Variants in OPRM1 observed in about 807,000 individuals in gnomAD.
OPRM1 encodes mu-type opioid receptor.
In OPRM1, 27 loss-of-function variants were observed where a neutral mutation model predicts 31.8. That is an observed-to-expected ratio of 0.85 (90% CI 0.63 to 1.17). The LOEUF (loss-of-function observed/expected upper bound fraction) is 1.17. Among genes scored for constraint, OPRM1 ranks in the 50% most tolerant of loss-of-function variants. The pLI, the probability that OPRM1 is intolerant of heterozygous loss-of-function variation, is 0.00. For synonymous variants in OPRM1, 196 were observed against 189.9 expected (o/e 1.03, Z -0.26); for missense variants, 536 against 511.1 (o/e 1.05, Z -0.47).
chr6:154,180,403 TA>T (rs1562526629), intron 3 of OPRM1, among the ~76,000 whole-genome samples: 860 of 42,828 alleles, frequency 0.02, 23 homozygotes, highest in African/African-American at 0.056. Flanking sequence ...TATATATATA[TA>T]TATATATATA....
intron 3 of OPRM1, chr6:154,160,011 G>T: frequency 6.2e-7 from 1 of 1,612,182 alleles, no homozygotes; most frequent in Non-Finnish European, 8.5e-7. Flanking sequence ...CCAGCAACTG[G>T]TTAATCATGG....
intron 1 of OPRM1, among the ~76,000 whole-genome samples, chr6:154,061,628 A>G (rs1784442678): frequency 6.6e-6 from 1 of 152,088 alleles, no homozygotes; most frequent in Non-Finnish European, 1.5e-5. Flanking sequence ...TTGAGTACAC[A>G]TGGACAAAGA....
intron 3 of OPRM1, among the ~76,000 whole-genome samples, chr6:154,201,166 C>T (rs1234799573): frequency 1.3e-5 from 2 of 152,274 alleles, no homozygotes; most frequent in East Asian, 3.9e-4. Context: ...AACTGTGAGT[C>T]AATTAAAATC....
intron 3 of OPRM1, chr6:154,212,855 T>C (rs376503820): frequency 6.2e-7 from 1 of 1,605,832 alleles, no homozygotes; most frequent in Non-Finnish European, 8.5e-7. Flanking sequence ...ACTGTAACAT[T>C]CTATAACAAA....
Position 154,119,288 on chromosome 6 carries a change from A to G in OPRM1, c.*567A>G. The stretch of plus-strand genomic sequence containing the variant: ...TTGGTTTTGTATTGTTTAAAAAAAT[A>G]ACATCTCTTTCATCTAGCTCCATAA... On this transcript the variant is annotated 3_prime_UTR_variant, in exon 4 of 4. Transcript: ENST00000330432. 1.0e-6 allele frequency: 1 copy of G among 985,544 alleles called. No individual in the cohort carries two copies. Among genetic ancestry groups the G allele is most frequent in the Non-Finnish European group, 1.2e-6 (1 of 829,910 alleles). 61.0% of individuals were successfully genotyped at this position (985,544 alleles called of 1,614,324 possible). A position where few individuals can be genotyped will look rare whatever the true frequency, so the allele number is the denominator to read the frequency against.
intron 1 of OPRM1, among the ~76,000 whole-genome samples, chr6:154,047,674 G>A (rs1382435159): frequency 6.6e-6 from 1 of 152,130 alleles, no homozygotes; most frequent in East Asian, 1.9e-4. Flanking sequence ...ATTCTGTTCT[G>A]GATATGTGTC....
chr6:154,209,413 G>A (rs529864503), intron 3 of OPRM1, among the ~76,000 whole-genome samples: 1 of 152,228 alleles, frequency 6.6e-6, no homozygotes, highest in South Asian at 2.1e-4. Flanking sequence ...CACTTTGGGA[G>A]GCCAAGGTGA....
At chr6:154,137,746 T>C (rs1798094382) in intron 3 of OPRM1, among the ~76,000 whole-genome samples, 1 of 152,196 alleles carries the variant, frequency 6.6e-6, no homozygotes, top group Non-Finnish European at 1.5e-5. Context: ...AAACACCATT[T>C]CAGCCACAAT....
At chr6:154,241,683 C>T (rs764371725) in intron 3 of OPRM1, among the ~76,000 whole-genome samples, 1 of 152,188 alleles carries the variant, frequency 6.6e-6, no homozygotes, top group Non-Finnish European at 1.5e-5. Context: ...TGAACGCCTG[C>T]ATTTTCTCAC....
downstream of OPRM1, among the ~76,000 whole-genome samples, chr6:154,133,144 A>G (rs1797972897): frequency 6.6e-6 from 1 of 152,102 alleles, no homozygotes; most frequent in Non-Finnish European, 1.5e-5. Flanking sequence ...AAGAAAGAAA[A>G]AAACTATCTC....
At chr6:154,056,257 G>T (rs1583270095) in intron 1 of OPRM1, among the ~76,000 whole-genome samples, 1 of 152,002 alleles carries the variant, frequency 6.6e-6, no homozygotes, top group African/African-American at 2.4e-5. Context: ...CTGAGTAGCT[G>T]GGACTACAGG....
At chr6:154,108,672 T>G (rs1795974438) in intron 3 of OPRM1, 1 of 454,464 alleles carries the variant, frequency 2.2e-6, no homozygotes, top group Non-Finnish European at 2.9e-6. Flanking sequence ...AAAGCTGTTC[T>G]TAGCCAAGAG....
In OPRM1 at chr6:154,130,390, G is replaced by A. The variant is rs547851420; in HGVS notation, c.*11669G>A. Among the ~76,000 whole-genome samples the A allele has an allele frequency of 3.9e-5, 6 of 152,032 alleles. No individual in the cohort carries two copies. The highest frequency in any genetic ancestry group is 2.1e-4 in the South Asian group (1 of 4,808). On this transcript the variant is annotated 3_prime_UTR_variant, in exon 4 of 4. Coordinates refer to ENST00000330432, the MANE Select transcript of OPRM1 (RefSeq NM_000914.5). ...TCACCACGTTAGCCAGGATGGTTTC[G>A]ATCTCCTGACCTCGTGATCTGCCTG...
chr6:154,029,685 T>C (rs1357411712), intron 1 of OPRM1, among the ~76,000 whole-genome samples: 1 of 152,216 alleles, frequency 6.6e-6, no homozygotes, highest in Non-Finnish European at 1.5e-5. Context: ...CATCTTGAAT[T>C]GTAGTTTCCA....
chr6:154,135,951 T>C (rs1008499535), downstream of OPRM1, among the ~76,000 whole-genome samples: 2 of 152,230 alleles, frequency 1.3e-5, no homozygotes, highest in African/African-American at 2.4e-5. Flanking sequence ...TCGTAGGGAA[T>C]ATTAAACTCA....
At position 154,129,118 on chromosome 6, in the gene OPRM1, C is replaced by A. The variant is rs1417267299; in HGVS notation, c.*10397C>A. 6.6e-6 allele frequency among the ~76,000 whole-genome samples: 1 copy of A among 152,154 alleles called. No homozygotes were observed. Among genetic ancestry groups the A allele is most frequent in the Non-Finnish European group, 1.5e-5 (1 of 68,034 alleles). On this transcript the variant is annotated 3_prime_UTR_variant, in exon 4 of 4. Coordinates refer to ENST00000330432, the MANE Select transcript of OPRM1 (RefSeq NM_000914.5). ...CAGCTACTGTCTCAAAATCCAAGCTCCCTGAGTACACAATTTCTGTCCCTT... is the reference window on the plus strand; with the variant it reads ...CAGCTACTGTCTCAAAATCCAAGCTACCTGAGTACACAATTTCTGTCCCTT...
chr6:154,214,213 C>A, intron 3 of OPRM1: 1 of 1,586,388 alleles, frequency 6.3e-7, no homozygotes, highest in East Asian at 2.2e-5. Flanking sequence ...TAAAATAGAA[C>A]ATACCTTCAT....
chr6:154,195,945 C>T (rs1028463488), intron 3 of OPRM1, among the ~76,000 whole-genome samples: 1 of 152,062 alleles, frequency 6.6e-6, no homozygotes, highest in South Asian at 2.1e-4. Context: ...GTGTGTGCCA[C>T]CATACCTGGC....
intron 3 of OPRM1, chr6:154,094,434 A>G (rs1263810470): frequency 5.4e-6 from 2 of 370,378 alleles, no homozygotes; most frequent in Admixed American, 6.8e-5. Context: ...TCCAAAATGT[A>G]GTGGCTAGAA....
Sources: gnomAD v4.1 joint callset for allele counts (sites outside exome capture counted in the v4.1 genomes callset) on GRCh38, gnomAD v4.1.1 for gene constraint, MANE v1.5 for transcripts, NCBI Gene and HGNC (gene_info 2026-07-23, HGNC 2026-07-21) for gene names.